DEFB1: variants seen among roughly 807,000 people sequenced by gnomAD.
DEFB1 encodes the protein beta-defensin 1.
Under a neutral mutation model 2.6 loss-of-function variants are expected in DEFB1, and 4 were observed. That is an observed-to-expected ratio of 1.53 (90% CI 0.76 to 3.51). The LOEUF (loss-of-function observed/expected upper bound fraction) is 3.51. DEFB1 is among the 30% of genes most tolerant of loss of function. The probability of loss-of-function intolerance (pLI) is 0.01; values close to 1 mark genes in which losing one functional copy is unlikely to be tolerated. For synonymous variants in DEFB1, 56 were observed against 28.5 expected (o/e 1.96, Z -3.07); for missense variants, 162 against 76.9 (o/e 2.11, Z -4.14).
chr8:6,870,679 G>T lies in DEFB1; in HGVS notation c.*2C>A, dbSNP rs754392649. 1.4e-5 allele frequency: 22 copies of T among 1,613,096 alleles called. No individual in the cohort carries two copies. In the Admixed American group the frequency reaches 3.0e-4, roughly 22 times the overall value. ...GCGTCATTTCTTCTGGTCACTCCCA[G>T]CTCACTTGCAGCACTTGGCCTTCCC... On this transcript the variant is annotated 3_prime_UTR_variant, in exon 2 of 2. Coordinates refer to ENST00000297439, the MANE Select transcript of DEFB1 (RefSeq NM_005218.4).
At position 6,877,886 on chromosome 8, in the gene DEFB1, C is replaced by T. The variant is rs1178119681; in HGVS notation, c.-29G>A. On this transcript the variant is annotated 5_prime_UTR_variant, in exon 1 of 2. Coordinates refer to ENST00000297439, the MANE Select transcript of DEFB1 (RefSeq NM_005218.4). ...GACTGGCAGGCAACACCCAGGATTT[C>T]AGGAACTGGGGAGACGCTGGCTCCT... 6.2e-7 allele frequency: 1 copy of T among 1,611,224 alleles called. No individual in the cohort carries two copies. Among genetic ancestry groups the T allele is most frequent in the East Asian group, 2.2e-5 (1 of 44,842 alleles).
At chr8:6,870,867 T>C (rs749935907) in intron 1 of DEFB1, 41 bp from the exon 2 acceptor site, 15 of 1,569,000 alleles carry the variant, frequency 9.6e-6, no homozygotes, top group Non-Finnish European at 1.3e-5. Flanking sequence ...TCATGGCTTG[T>C]AGCTGCAACG....
intron 1 of DEFB1, among the ~76,000 whole-genome samples, chr8:6,874,969 G>A (rs576203194): frequency 1.2e-4 from 16 of 132,312 alleles, no homozygotes; most frequent in East Asian, 2.2e-4. Flanking sequence ...GTGACAGAGC[G>A]AGACTCAGTC....
At position 6,872,006 on chromosome 8, in the gene DEFB1, G is replaced by A. The variant is rs116197708; in HGVS notation, c.62-1180C>T. 2.5e-3 allele frequency among the ~76,000 whole-genome samples: 374 copies of A among 152,220 alleles called. 4 individuals are homozygous for A. The highest frequency in any genetic ancestry group is 8.5e-3 in the African/African-American group (353 of 41,526). On this transcript the variant is annotated intron_variant, in intron 1 of 1. Transcript: ENST00000297439. ...CTGTTGGAAAGATGGCTTTCACACCGATGGAAATTGTCTCATCAGTAACTT... is the reference window on the plus strand; with the variant it reads ...CTGTTGGAAAGATGGCTTTCACACCAATGGAAATTGTCTCATCAGTAACTT...
At chr8:6,876,499 C>T (rs1585001723) in intron 1 of DEFB1, among the ~76,000 whole-genome samples, 1 of 150,942 alleles carries the variant, frequency 6.6e-6, no homozygotes, top group African/African-American at 2.4e-5. Flanking sequence ...CAAAACAAAA[C>T]AAAAAAACAC....
intron 1 of DEFB1, among the ~76,000 whole-genome samples, chr8:6,876,659 C>T (rs1411196828): frequency 2.6e-5 from 4 of 151,604 alleles, no homozygotes; most frequent in South Asian, 2.1e-4. Flanking sequence ...AAAAATTAGC[C>T]AGGTGTGGTG....
In DEFB1 at chr8:6,877,887, A is replaced by C. The variant is rs375269182; in HGVS notation, c.-30T>G. 5.7e-4 allele frequency: 923 copies of C among 1,609,316 alleles called. No homozygotes were observed. The highest frequency in any genetic ancestry group is 7.4e-4 in the Non-Finnish European group (873 of 1,175,700). ...ACTGGCAGGCAACACCCAGGATTTC[A>C]GGAACTGGGGAGACGCTGGCTCCTT... On this transcript the variant is annotated 5_prime_UTR_variant, in exon 1 of 2. Transcript: ENST00000297439.
At chr8:6,874,658 C>T (rs576138391) in intron 1 of DEFB1, among the ~76,000 whole-genome samples, 2 of 152,282 alleles carry the variant, frequency 1.3e-5, no homozygotes, top group Non-Finnish European at 2.9e-5. Flanking sequence ...AGTGGCTCAG[C>T]AGAACAGTGG....
Position 6,877,926 on chromosome 8 carries a change from G to C in DEFB1, c.-69C>G, listed in dbSNP as rs1257526541. The C allele has an allele frequency of 6.3e-6, 9 of 1,427,616 alleles. No homozygotes were observed. Among genetic ancestry groups the C allele is most frequent in the Non-Finnish European group, 8.9e-6 (9 of 1,011,280 alleles). 88.4% of individuals were successfully genotyped at this position (1,427,616 alleles called of 1,614,324 possible). A position where few individuals can be genotyped will look rare whatever the true frequency, so the allele number is the denominator to read the frequency against. Reference sequence around the variant, plus strand: ...CGCTGGCTCCTTTGGAGGCTGAGCTGACAGAGGCTTCCAGAGGCTGGAGCG... The same window carrying C: ...CGCTGGCTCCTTTGGAGGCTGAGCTCACAGAGGCTTCCAGAGGCTGGAGCG... On this transcript the variant is annotated 5_prime_UTR_variant, in exon 1 of 2. Coordinates refer to ENST00000297439, the MANE Select transcript of DEFB1 (RefSeq NM_005218.4).
Position 6,873,186 on chromosome 8 carries a change from G to C in DEFB1, c.62-2360C>G, listed in dbSNP as rs55920952. On this transcript the variant is annotated intron_variant, in intron 1 of 1. Transcript: ENST00000297439. ...TTCTGTGATCCTCTCCCCAGATGAA[G>C]GAACAAGGTCCAGTGATGTCCCCAG... Among the ~76,000 whole-genome samples, 43 of 152,304 alleles carry C rather than the reference G, an allele frequency of 2.8e-4. 1 individual carries two copies. The South Asian group carries it at 8.3e-3, about 29-fold the overall frequency.
At chr8:6,876,082 A>T (rs1330314387) in intron 1 of DEFB1, among the ~76,000 whole-genome samples, 1 of 152,230 alleles carries the variant, frequency 6.6e-6, no homozygotes, top group Non-Finnish European at 1.5e-5. Context: ...TCTCACTGCT[A>T]CTCAGTAAAA....
chr8:6,875,618 T>A lies in DEFB1; in HGVS notation c.61+2179A>T, dbSNP rs5743449. Among the ~76,000 whole-genome samples the A allele has an allele frequency of 8.3e-3, 1,268 of 152,328 alleles. 21 individuals carry two copies. The highest frequency in any genetic ancestry group is 0.028 in the African/African-American group (1,164 of 41,568). Reference sequence around the variant, plus strand: ...TTTAAAAATAATTGATGTTATCAAATGTTGGCAAGGATACAGAGCAAGAGG... The same window carrying A: ...TTTAAAAATAATTGATGTTATCAAAAGTTGGCAAGGATACAGAGCAAGAGG... On this transcript the variant is annotated intron_variant, in intron 1 of 1. Transcript: ENST00000297439.
intron 1 of DEFB1, among the ~76,000 whole-genome samples, chr8:6,875,064 C>CCACACACACACA (rs61101914): frequency 7.4e-6 from 1 of 135,636 alleles, no homozygotes; most frequent in Admixed American, 7.4e-5. Context: ...CATACCGAAG[C>CCACACACACACA]CACACACACA....
chr8:6,877,714 C>A, intron 1 of DEFB1, 83 bp downstream of exon 1: 1 of 1,262,244 alleles, frequency 7.9e-7, no homozygotes, highest in Non-Finnish European at 1.1e-6. Flanking sequence ...CCTTGGGACA[C>A]GGAGGCAGCC....
rs1354436468 is a variant in DEFB1, at chr8:6,875,099, CA to C, written c.61+2697del. Among the ~76,000 whole-genome samples the C allele has an allele frequency of 3.3e-5, 5 of 151,500 alleles. No individual in the cohort carries two copies. The South Asian group carries it at 6.2e-4, about 19-fold the overall frequency. On this transcript the variant is annotated intron_variant, in intron 1 of 1. Transcript: ENST00000297439. Reference sequence around the variant, plus strand: ...ACACACACACACACACACACACACACACACACACACCCCATTGCCAGATGGA... The same window carrying C: ...ACACACACACACACACACACACACACCACACACACCCCATTGCCAGATGGA...
chr8:6,877,727 C>A, intron 1 of DEFB1, 70 bp downstream of exon 1: 1 of 1,404,468 alleles, frequency 7.1e-7, no homozygotes, highest in South Asian at 1.2e-5. Flanking sequence ...AGGCAGCCAT[C>A]CGAGACTCAC....
At chr8:6,876,967 A>G (rs531762581) in intron 1 of DEFB1, among the ~76,000 whole-genome samples, 1 of 152,198 alleles carries the variant, frequency 6.6e-6, no homozygotes, top group Non-Finnish European at 1.5e-5. Context: ...GGAATAAATT[A>G]AGCCTATCTG....
At chr8:6,873,024 T>C (rs2977779) in intron 1 of DEFB1, among the ~76,000 whole-genome samples, 35,286 of 152,234 alleles carry the variant, frequency 0.23, 5,053 homozygotes, top group East Asian at 0.44. Flanking sequence ...GGTTTATACA[T>C]CTTTGTTCTT....
intron 1 of DEFB1, among the ~76,000 whole-genome samples, chr8:6,872,826 C>T (rs1806370229): frequency 6.6e-6 from 1 of 152,178 alleles, no homozygotes; most frequent in South Asian, 2.1e-4. Flanking sequence ...TCATGACCAG[C>T]TAGACTCTGC....
Sources: allele counts gnomAD v4.1 joint callset (sites outside exome capture counted in the v4.1 genomes callset), GRCh38; gene constraint gnomAD v4.1.1; transcripts MANE v1.5; gene names NCBI Gene and HGNC (gene_info 2026-07-23, HGNC 2026-07-21).